Variants in ABCF3 observed in about 807,000 individuals in gnomAD.
The protein encoded by ABCF3 is ATP-binding cassette sub-family F member 3.
ABCF3 carries 62 observed loss-of-function variants against 94.3 expected under a neutral mutation model. The ratio of observed to expected loss-of-function variants is 0.66; its 90% CI spans 0.54 to 0.81. ABCF3 has a LOEUF of 0.81. ABCF3 is among the 40% of genes least tolerant of loss of function. ABCF3 has a pLI of 0.00. For missense variants in ABCF3, 843 were observed against 925.3 expected (o/e 0.91, Z 1.15); for synonymous variants, 355 against 361.1 (o/e 0.98, Z 0.19).
rs1715768085 is a variant in ABCF3 at position 184,188,208 on chromosome 3, G to A, written c.637G>A (p.Gly213Arg). 6.2e-7 allele frequency: 1 copy of A among 1,614,102 alleles called. No homozygotes were observed. The highest frequency in any genetic ancestry group is 8.5e-7 in the Non-Finnish European group (1 of 1,180,048). ...GRRYGLVGRN[G>R]LGKTTLLKML... ...CCGTTACGGGCTGGTGGGGCGGAAT[G>A]GGTTGGGGAAGACAACGTTACTGAA... Residue 213 changes from glycine to arginine, a missense_variant, in exon 7 of 21, where the codon GGG (glycine) becomes AGG (arginine). Physicochemically the swap from Gly to Arg is moderately radical, Grantham distance 125. Transcript: ENST00000429586.
chr3:184,189,384 C>T lies in ABCF3; in HGVS notation c.1058-4C>T. On this transcript the variant is annotated splice_region_variant and splice_polypyrimidine_tract_variant and intron_variant, in intron 11 of 20. Coordinates refer to ENST00000429586, the MANE Select transcript of ABCF3 (RefSeq NM_018358.3). ...CCCAAGTGTGTGCTCCCCTGCTTCTCCAGAACCTACAAACATGCTGGATGT... is the reference window on the plus strand; with the variant it reads ...CCCAAGTGTGTGCTCCCCTGCTTCTTCAGAACCTACAAACATGCTGGATGT... 1.2e-6 allele frequency: 2 copies of T among 1,614,198 alleles called. No homozygotes were observed. The highest frequency in any genetic ancestry group is 1.3e-5 in the African/African-American group (1 of 75,038).
At chr3:184,188,717 A>G (rs200981627) in intron 7 of ABCF3, 44 bp from the exon 8 acceptor site, 330 of 1,594,500 alleles carry the variant, frequency 2.1e-4, no homozygotes, top group Non-Finnish European at 2.8e-4. Flanking sequence ...ACATCCTCCT[A>G]GACTGCCCCT....
chr3:184,190,245 A>T (rs1478521873), intron 14 of ABCF3: 1 of 439,302 alleles, frequency 2.3e-6, no homozygotes, highest in Non-Finnish European at 4.1e-6. Context: ...TGTGAGGCTC[A>T]TCCATATTGT....
chr3:184,186,463 C>T lies in ABCF3; in HGVS notation c.74-44C>T, dbSNP rs373112411. 5.0e-6 allele frequency: 8 copies of T among 1,586,766 alleles called. No individual in the cohort carries two copies. The African/African-American group carries it at 1.1e-4, about 21-fold the overall frequency. ...CTGGGGTCTGAAACTGCTTGTGTGT[C>T]CACCCTACCCGATACCTTCCTCGTT... On this transcript the variant is annotated intron_variant, in intron 1 of 20. Coordinates refer to ENST00000429586, the MANE Select transcript of ABCF3 (RefSeq NM_018358.3).
chr3:184,187,595 G>A (rs141465085), intron 4 of ABCF3, 69 bp from the exon 5 acceptor site: 1 of 1,583,700 alleles, frequency 6.3e-7, no homozygotes, highest in Non-Finnish European at 8.7e-7. Context: ...GTTTACTCGA[G>A]ATGTTCTCTC....
chr3:184,189,987 C>T, intron 14 of ABCF3, 56 bp downstream of exon 14: 1 of 1,575,810 alleles, frequency 6.3e-7, no homozygotes, highest in South Asian at 1.1e-5. Flanking sequence ...TCTCCTTCCG[C>T]ATTTGCACGC....
At chr3:184,190,507 T>G (rs1327023994) in intron 14 of ABCF3, 1 of 166,578 alleles carries the variant, frequency 6.0e-6, no homozygotes, top group Non-Finnish European at 1.3e-5. Context: ...TGAGGAACTG[T>G]CAAACTGTTT....
At chr3:184,189,815 TG>T in intron 13 of ABCF3, 39 bp from the exon 14 acceptor site, 2 of 1,613,906 alleles carry the variant, frequency 1.2e-6, no homozygotes, top group Non-Finnish European at 1.7e-6. Context: ...TGGGGGATAG[TG>T]GGGGAATTTG....
chr3:184,192,802 C>T lies in ABCF3; in HGVS notation c.1659-3C>T, dbSNP rs1716112754. 2 of 1,613,852 alleles carry T rather than the reference C, an allele frequency of 1.2e-6. No individual in the cohort carries two copies. The highest frequency in any genetic ancestry group is 1.7e-6 in the Non-Finnish European group (2 of 1,179,850). ...GTTTTTCCACCTCGGCTTCTGCCTG[C>T]AGGAATCTGAAGATTGGCTATTTCA... On this transcript the variant is annotated splice_polypyrimidine_tract_variant and splice_region_variant and intron_variant, in intron 17 of 20. Transcript: ENST00000429586.
chr3:184,186,644 ACT>A lies in ABCF3; in HGVS notation c.214_215del (p.Leu72AlafsTer4). ...IRAVCQRMYNTLRLAEPQSQG... is the reference protein window; with the variant it reads ...IRAVCQRMYNXLRLAEPQSQG... The stretch of plus-strand genomic sequence containing the variant: ...GGCCGTGTGCCAGCGCATGTACAAC[ACT>A]CTGCGTCTGTATGTGCCAGGGAGTA... On this transcript the variant is annotated frameshift_variant, in exon 2 of 21. Transcript: ENST00000429586. LOFTEE classifies it high-confidence loss of function. 1 of 1,608,400 alleles carries A rather than the reference ACT, an allele frequency of 6.2e-7. No homozygotes were observed. The highest frequency in any genetic ancestry group is 8.5e-7 in the Non-Finnish European group (1 of 1,176,952).
rs1482515621 is a variant in ABCF3 at position 184,187,398 on chromosome 3, CTG to C, written c.306_307del (p.Cys102TrpfsTer29). 2 of 1,613,808 alleles carry C rather than the reference CTG, an allele frequency of 1.2e-6. No homozygotes were observed. The highest frequency in any genetic ancestry group is 1.7e-6 in the Non-Finnish European group (2 of 1,180,036). ...QLSKITENYD[C>X]GTKLPGLLKR... ...GACTGCTTTTCTTATCGCTTACAGA[CTG>C]TGGAACCAAACTTCCAGGACTGCTA... is the stretch of plus-strand genomic sequence containing the variant. On this transcript the variant is annotated frameshift_variant and splice_region_variant, in exon 4 of 21. Transcript: ENST00000429586. LOFTEE classifies it high-confidence loss of function.
At chr3:184,187,076 T>C (rs1283972729) in intron 3 of ABCF3, 2 of 651,108 alleles carry the variant, frequency 3.1e-6, no homozygotes, top group Non-Finnish European at 5.2e-6. Context: ...AGCTCTTGGG[T>C]AGGATAGGAA....
Position 184,189,611 on chromosome 3 carries a change from A to G in ABCF3, c.1168A>G (p.Ile390Val), listed in dbSNP as rs377162661. The G allele has an allele frequency of 2.0e-5, 32 of 1,614,204 alleles. No individual in the cohort carries two copies. Among genetic ancestry groups the G allele is most frequent in the African/African-American group, 2.7e-5 (2 of 75,056 alleles). Residue 390 changes from isoleucine (I) to valine (V), a missense_variant, in exon 13 of 21, where the codon ATC (isoleucine) becomes GTC (valine). Coordinates refer to ENST00000429586, the MANE Select transcript of ABCF3 (RefSeq NM_018358.3). ...VSHDRNFLNA[I>V]ATDIIHLHSQ... ...CCACGACCGCAACTTCTTGAATGCC[A>G]TCGCCACAGACATCATCCACCTGCA...
At chr3:184,192,564 C>A in intron 16 of ABCF3, 37 bp from the exon 17 acceptor site, 1 of 1,567,916 alleles carries the variant, frequency 6.4e-7, no homozygotes, top group Non-Finnish European at 8.7e-7. Flanking sequence ...ATTTATTTTT[C>A]TGGCACACAC....
intron 16 of ABCF3, among the ~76,000 whole-genome samples, chr3:184,192,035 C>T (rs556617802): frequency 6.6e-6 from 1 of 152,168 alleles, no homozygotes; most frequent in South Asian, 2.1e-4. Context: ...CCTGAGCCAC[C>T]GTGCCCGGCT....
Position 184,187,927 on chromosome 3 carries a change from C to T in ABCF3, c.513C>T (p.Gly171=). The change falls in exon 6 of 21, where the codon GGC becomes GGT. Residue 171 remains glycine, a synonymous_variant. Transcript: ENST00000429586. ...SRKESRLESS[G]KNKSYDVRIE... ...AGGAGAGTCGGTTGGAATCATCTGG[C>T]AAGAACAAATCCTATGATGTGCGAA... is the stretch of plus-strand genomic sequence containing the variant. 6.2e-7 allele frequency: 1 copy of T among 1,614,126 alleles called. No individual in the cohort carries two copies. Among genetic ancestry groups the T allele is most frequent in the Non-Finnish European group, 8.5e-7 (1 of 1,180,050 alleles).
chr3:184,188,041 G>C, intron 6 of ABCF3, 58 bp downstream of exon 6: 1 of 1,613,260 alleles, frequency 6.2e-7, no homozygotes, highest in Non-Finnish European at 8.5e-7. Flanking sequence ...GGACAATTTG[G>C]AGAGGTGAAA....
Position 184,188,850 on chromosome 3 carries a change from AGC to A in ABCF3, c.917+10_917+11del. 1 of 1,613,872 alleles carries A rather than the reference AGC, an allele frequency of 6.2e-7. No individual in the cohort carries two copies. The highest frequency in any genetic ancestry group is 8.5e-7 in the Non-Finnish European group (1 of 1,179,902). ...GACAAGGCACCTGCCAGGTATTTAAAGCTCCCCCTCCCTCCTTCAGATTTCCT... is the reference window on the plus strand; with the variant it reads ...GACAAGGCACCTGCCAGGTATTTAAATCCCCCTCCCTCCTTCAGATTTCCT... On this transcript the variant is annotated intron_variant, in intron 8 of 20. Transcript: ENST00000429586.
chr3:184,186,792 A>G lies in ABCF3; in HGVS notation c.222-4A>G, dbSNP rs1033558204. On this transcript the variant is annotated splice_polypyrimidine_tract_variant and splice_region_variant and intron_variant, in intron 2 of 20. Transcript: ENST00000429586. Reference sequence around the variant, plus strand: ...CTCTGCGCTTTCTATCCCTACCCACATAGGGCTGAGCCACAAAGCCAGGGA... The same window carrying G: ...CTCTGCGCTTTCTATCCCTACCCACGTAGGGCTGAGCCACAAAGCCAGGGA... The G allele has an allele frequency of 5.0e-6, 8 of 1,613,398 alleles. No individual in the cohort carries two copies. The highest frequency in any genetic ancestry group is 6.8e-6 in the Non-Finnish European group (8 of 1,179,640).
Sources: gnomAD v4.1 joint callset for allele counts (sites outside exome capture counted in the v4.1 genomes callset) on GRCh38, gnomAD v4.1.1 for gene constraint, MANE v1.5 for transcripts, NCBI Gene and HGNC (gene_info 2026-07-23, HGNC 2026-07-21) for gene names.